The following ITGBL1 variants were observed in gnomAD, a reference collection of about 807,000 sequenced individuals.
ITGBL1 encodes integrin beta-like protein 1.
A neutral mutation model predicts 68.5 loss-of-function variants in ITGBL1; 51 were observed. The observed-to-expected ratio is 0.74, with a 90% CI of 0.59 to 0.94. The LOEUF is 0.94. Among genes scored for constraint, ITGBL1 ranks in the 40% least tolerant of loss-of-function variants. The pLI is 0.00. For synonymous variants in ITGBL1, 209 were observed against 227.3 expected (o/e 0.92, Z 0.72); for missense variants, 649 against 647.4 (o/e 1.00, Z -0.03).
At chr13:101,698,171 G>T (rs1250815895) in intron 8 of ITGBL1, among the ~76,000 whole-genome samples, 1 of 152,116 alleles carries the variant, frequency 6.6e-6, no homozygotes, top group Non-Finnish European at 1.5e-5. Flanking sequence ...TTCATATGGA[G>T]AATATAAAAC....
chr13:101,557,440 G>T (rs2050026161), intron 2 of ITGBL1, among the ~76,000 whole-genome samples: 1 of 152,100 alleles, frequency 6.6e-6, no homozygotes. Flanking sequence ...TTGTGCCCCT[G>T]TATTAAAAAT....
intron 7 of ITGBL1, among the ~76,000 whole-genome samples, chr13:101,654,091 G>A (rs2032846698): frequency 6.6e-6 from 1 of 151,920 alleles, no homozygotes; most frequent in Non-Finnish European, 1.5e-5. Context: ...TTCTTTACAA[G>A]CGGAAGTAAC....
intron 7 of ITGBL1, among the ~76,000 whole-genome samples, chr13:101,687,084 G>A (rs1217505973): frequency 6.6e-6 from 1 of 151,970 alleles, no homozygotes; most frequent in Non-Finnish European, 1.5e-5. Flanking sequence ...TGGTCAAAAT[G>A]TTTAGGGTTT....
rs555568586 is a variant in ITGBL1 at position 101,523,230 on chromosome 13, A to C, written c.317-44469A>C. On this transcript the variant is annotated intron_variant, in intron 2 of 10. Transcript: ENST00000376180. ...TTCAATTTATTGCTGGACATGTTTC[A>C]GTAATCTGTGAATGACCCCAAATTA... Among the ~76,000 whole-genome samples, 17 of 152,292 alleles carry C rather than the reference A, an allele frequency of 1.1e-4. No homozygotes were observed. The South Asian group carries it at 3.1e-3, about 28-fold the overall frequency.
chr13:101,543,277 T>G (rs1309136638), intron 2 of ITGBL1, among the ~76,000 whole-genome samples: 3 of 152,204 alleles, frequency 2.0e-5, no homozygotes, highest in Admixed American at 2.0e-4. Context: ...TCTCAGCATT[T>G]GCTTGTCTGT....
intron 3 of ITGBL1, among the ~76,000 whole-genome samples, chr13:101,572,346 A>C (rs1014133791): frequency 5.9e-5 from 9 of 152,086 alleles, no homozygotes. Context: ...GCTGGGGATC[A>C]AAGTGTTCCA....
chr13:101,506,491 G>A (rs1354211983), intron 2 of ITGBL1, among the ~76,000 whole-genome samples: 1 of 152,180 alleles, frequency 6.6e-6, no homozygotes, highest in African/African-American at 2.4e-5. Context: ...GGGATGCTTA[G>A]AAGATTTGCC....
Position 101,692,679 on chromosome 13 carries a change from C to T in ITGBL1, c.1110C>T (p.Asp370=). 1.9e-6 allele frequency: 3 copies of T among 1,612,890 alleles called. No homozygotes were observed. Among genetic ancestry groups the T allele is most frequent in the Non-Finnish European group, 2.5e-6 (3 of 1,179,020 alleles). The part of the protein sequence containing the change: ...TCECDDRRCE[D]LDGVVCGGHG... Reference sequence around the variant, plus strand: ...AGTGTGATGATCGCCGCTGTGAAGACCTCGATGGTGTGGTCTGTGGAGGTA... The same window carrying T: ...AGTGTGATGATCGCCGCTGTGAAGATCTCGATGGTGTGGTCTGTGGAGGTA... The change falls in exon 8 of 11, where the codon GAC becomes GAT. Residue 370 remains aspartate, a synonymous_variant. Coordinates refer to ENST00000376180, the MANE Select transcript of ITGBL1 (RefSeq NM_004791.3).
At chr13:101,688,088 T>C (rs1000932718) in intron 7 of ITGBL1, among the ~76,000 whole-genome samples, 2 of 152,092 alleles carry the variant, frequency 1.3e-5, no homozygotes, top group African/African-American at 2.4e-5. Flanking sequence ...AAGAAAAAGA[T>C]TGGACTCAAT....
intron 2 of ITGBL1, among the ~76,000 whole-genome samples, chr13:101,463,072 C>G (rs997659191): frequency 3.3e-5 from 5 of 151,978 alleles, no homozygotes; most frequent in African/African-American, 1.2e-4. Context: ...ATAATAAGAC[C>G]AAATAGGGAT....
intron 10 of ITGBL1, 113 bp downstream of exon 10, chr13:101,714,664 G>C: frequency 1.4e-6 from 1 of 692,684 alleles, no homozygotes; most frequent in South Asian, 1.8e-5. Context: ...CCGTGAATAT[G>C]AAATATCTAC....
chr13:101,565,185 T>G (rs1279301267), intron 2 of ITGBL1, among the ~76,000 whole-genome samples: 1 of 151,984 alleles, frequency 6.6e-6, no homozygotes, highest in Admixed American at 6.6e-5. Flanking sequence ...TTTTGAAAAA[T>G]GAGGTGTTTT....
At chr13:101,668,233 C>CA in intron 7 of ITGBL1, among the ~76,000 whole-genome samples, 1 of 152,092 alleles carries the variant, frequency 6.6e-6, no homozygotes, top group Middle Eastern at 3.4e-3. Flanking sequence ...ACTAAAAATA[C>CA]AAAAATTAGC....
chr13:101,607,472 TAATTC>T (rs2139358846), intron 7 of ITGBL1, among the ~76,000 whole-genome samples: 1 of 152,152 alleles, frequency 6.6e-6, no homozygotes, highest in African/African-American at 2.4e-5. Flanking sequence ...TGTAGCAAAA[TAATTC>T]AATCAATCCT....
chr13:101,704,138 C>A (rs1448563613), intron 8 of ITGBL1, among the ~76,000 whole-genome samples: 1 of 152,146 alleles, frequency 6.6e-6, no homozygotes, highest in African/African-American at 2.4e-5. Flanking sequence ...ACAGCACCCT[C>A]CTTGGTGTCT....
At chr13:101,655,801 T>C (rs2032903254) in intron 7 of ITGBL1, among the ~76,000 whole-genome samples, 1 of 152,214 alleles carries the variant, frequency 6.6e-6, no homozygotes, top group African/African-American at 2.4e-5. Context: ...TAATTGGCAA[T>C]GCCCAAAGAG....
At chr13:101,548,453 A>C (rs374065108) in intron 2 of ITGBL1, among the ~76,000 whole-genome samples, 6 of 151,932 alleles carry the variant, frequency 3.9e-5, no homozygotes, top group Admixed American at 3.3e-4. Context: ...AATTTATCTT[A>C]ATCTATGCCT....
intron 2 of ITGBL1, among the ~76,000 whole-genome samples, chr13:101,547,844 C>G (rs2049852690): frequency 6.6e-6 from 1 of 150,470 alleles, no homozygotes; most frequent in Non-Finnish European, 1.5e-5. Flanking sequence ...TATTATGCAC[C>G]CACAACAATG....
In ITGBL1 at chr13:101,556,132, A is replaced by G. The variant is rs114683313; in HGVS notation, c.317-11567A>G. Among the ~76,000 whole-genome samples the G allele has an allele frequency of 3.7e-3, 566 of 152,292 alleles. 7 individuals are homozygous for G. The highest frequency in any genetic ancestry group is 0.014 in the Middle Eastern group (4 of 294). ...GCTCTATGGGAGAGGGGCTATCATT[A>G]GCTCCTTTTTCACAAAGGAAGACGC... On this transcript the variant is annotated intron_variant, in intron 2 of 10. Coordinates refer to ENST00000376180, the MANE Select transcript of ITGBL1 (RefSeq NM_004791.3).
Sources: allele counts gnomAD v4.1 joint callset (sites outside exome capture counted in the v4.1 genomes callset), GRCh38; gene constraint gnomAD v4.1.1; transcripts MANE v1.5; gene names NCBI Gene and HGNC (gene_info 2026-07-23, HGNC 2026-07-21).